Variants in LPIN1 observed in about 807,000 individuals in gnomAD.
LPIN1 encodes the protein phosphatidate phosphatase LPIN1.
A neutral mutation model predicts 107.5 loss-of-function variants in LPIN1; 71 were observed. The ratio of observed to expected loss-of-function variants is 0.66; its 90% confidence interval spans 0.55 to 0.80. LPIN1 has a LOEUF of 0.80. Among genes scored for constraint, LPIN1 ranks in the 30% least tolerant of loss-of-function variants. The pLI is 0.00. For synonymous variants in LPIN1, 445 were observed against 452.6 expected, an observed-to-expected ratio of 0.98 and a Z score of 0.21; for missense variants, 1,043 against 1,160.6, an observed-to-expected ratio of 0.90 and a Z score of 1.47.
intron 4 of LPIN1, among the ~76,000 whole-genome samples, chr2:11,772,960 C>T (rs1558869264): frequency 6.6e-6 from 1 of 152,166 alleles, no homozygotes; most frequent in Admixed American, 6.5e-5. Flanking sequence ...AGGCTTAGAA[C>T]CAGCGTCATT....
At chr2:11,793,512 A>G (rs1676144528) in intron 13 of LPIN1, among the ~76,000 whole-genome samples, 1 of 152,222 alleles carries the variant, frequency 6.6e-6, no homozygotes. Context: ...CACGGCCTAC[A>G]GTGCTTGTGT....
rs1673774291 is a variant in LPIN1, at chr2:11,782,630, T to A, written c.1264+123T>A. On this transcript the variant is annotated intron_variant, in intron 8 of 20. Transcript: ENST00000674199. ...AGAAACTGAACCGTGACAATGATCATGTTCAGTCTGAGCTCTTCAGCAGAA... is the reference window on the plus strand; with the variant it reads ...AGAAACTGAACCGTGACAATGATCAAGTTCAGTCTGAGCTCTTCAGCAGAA... The A allele has an allele frequency of 4.5e-6, 5 of 1,099,984 alleles. No homozygotes were observed. In the South Asian group the frequency reaches 6.9e-5, roughly 15 times the overall value. The allele number at this position is 1,099,984 out of a possible 1,614,324, so 68.1% of individuals were successfully genotyped here.
intron 10 of LPIN1, among the ~76,000 whole-genome samples, chr2:11,785,716 G>C (rs557902668): frequency 1.3e-3 from 193 of 152,220 alleles, no homozygotes; most frequent in Non-Finnish European, 2.1e-3. Flanking sequence ...AAGGGGCCGA[G>C]GCTGTGTACT....
At chr2:11,815,007 A>G in intron 17 of LPIN1, 81 bp from the exon 18 acceptor site, 1 of 1,333,266 alleles carries the variant, frequency 7.5e-7, no homozygotes, top group Non-Finnish European at 1.1e-6. Context: ...TCTCCACAGA[A>G]CAGATATGGA....
At chr2:11,716,933 A>G (rs1019113360) in intron 2 of LPIN1, among the ~76,000 whole-genome samples, 4 of 152,172 alleles carry the variant, frequency 2.6e-5, no homozygotes, top group Non-Finnish European at 4.4e-5. Flanking sequence ...GACATTTCTA[A>G]TAAGAACAAC....
At chr2:11,809,113 A>T (rs1384228373) in intron 17 of LPIN1, among the ~76,000 whole-genome samples, 3 of 151,260 alleles carry the variant, frequency 2.0e-5, no homozygotes, top group Non-Finnish European at 2.9e-5. Flanking sequence ...AGATACAGGA[A>T]CCCCTTTCAG....
At chr2:11,677,833 G>C in intron 1 of LPIN1, 1 of 1,020,196 alleles carries the variant, frequency 9.8e-7, no homozygotes. Flanking sequence ...TTTGCGCCCA[G>C]AGCGCCTTGT....
At position 11,774,983 on chromosome 2, in the gene LPIN1, A is replaced by G. The variant is rs1234952300; in HGVS notation, c.723-1103A>G. Among the ~76,000 whole-genome samples the G allele has an allele frequency of 2.6e-5, 4 of 151,748 alleles. No homozygotes were observed. The South Asian group carries it at 6.2e-4, about 24-fold the overall frequency. ...TAAAAAGTAAAAAAAAAAAAAAAAG[A>G]TGAAATTAATTTTAAAGCTATATTT... is the stretch of plus-strand genomic sequence containing the variant. On this transcript the variant is annotated intron_variant, in intron 5 of 20. Coordinates refer to ENST00000674199, the MANE Select transcript of LPIN1 (RefSeq NM_001349206.2). This position sits in a 1 kb window ranked among gnomAD's most constrained non-coding sequence, Gnocchi z 4.4.
At position 11,707,876 on chromosome 2, in the gene LPIN1, G is replaced by C. The variant is rs1028178646; in HGVS notation, c.82-5880G>C. ...CTCTTCTGATGTGTTTCAATGATGA[G>C]TGAGTGGTCTCCGCTAATTATGACT... On this transcript the variant is annotated intron_variant, in intron 1 of 21. Coordinates refer to the LPIN1 transcript ENST00000449576. This position sits in a 1 kb window ranked among gnomAD's most constrained non-coding sequence, Gnocchi z 4.2. Among the ~76,000 whole-genome samples the C allele has an allele frequency of 6.6e-5, 10 of 152,222 alleles. No individual in the cohort carries two copies. The highest frequency in any genetic ancestry group is 2.4e-4 in the African/African-American group (10 of 41,456).
upstream of LPIN1, among the ~76,000 whole-genome samples, chr2:11,720,912 T>G (rs1006048126): frequency 6.6e-6 from 1 of 151,908 alleles, no homozygotes; most frequent in Non-Finnish European, 1.5e-5. Flanking sequence ...GAGAAGAGAA[T>G]TCAGACTGAG....
chr2:11,735,521 A>ATAGCT (rs1165160847), intron 1 of LPIN1, among the ~76,000 whole-genome samples: 2 of 152,194 alleles, frequency 1.3e-5, no homozygotes, highest in East Asian at 3.9e-4. Context: ...CTTTCCTGTG[A>ATAGCT]TAGCTTAGCT....
intron 1 of LPIN1, among the ~76,000 whole-genome samples, chr2:11,690,539 A>G (rs1379061794): frequency 6.6e-6 from 1 of 152,162 alleles, no homozygotes; most frequent in African/African-American, 2.4e-5. Flanking sequence ...CTTTTCAACA[A>G]CTTCTTCTTT....
Position 11,773,756 on chromosome 2 carries a change from C to A in LPIN1, c.722+11C>A, listed in dbSNP as rs1396042641. ...GTCACCCACTCCCAGGTAAGCTGTT[C>A]CCTGTTCCCCTGGCCCAGTGCAGAG... On this transcript the variant is annotated intron_variant, in intron 5 of 20. Coordinates refer to ENST00000674199, the MANE Select transcript of LPIN1 (RefSeq NM_001349206.2). The A allele has an allele frequency of 1.2e-6, 2 of 1,613,824 alleles. No individual in the cohort carries two copies. The highest frequency in any genetic ancestry group is 2.7e-5 in the African/African-American group (2 of 74,908).
In LPIN1 at chr2:11,784,396, G is replaced by A. The variant is rs888643763; in HGVS notation, c.1358+474G>A. 24 of 1,118,792 alleles carry A rather than the reference G, an allele frequency of 2.1e-5. 1 individual carries two copies. The Admixed American group carries it at 2.8e-4, about 13-fold the overall frequency. The allele number at this position is 1,118,792 out of a possible 1,614,324, so 69.3% of individuals were successfully genotyped here. A position where few individuals can be genotyped will look rare whatever the true frequency, so the allele number is the denominator to read the frequency against. ...GCCTGCTCTATGGACATAAGGGTGC[G>A]GGTACTGGGCGGCGCCCCACCTCTG... On this transcript the variant is annotated intron_variant, in intron 9 of 20. Transcript: ENST00000674199.
chr2:11,700,368 A>C (rs186200785), intron 1 of LPIN1, among the ~76,000 whole-genome samples: 1 of 152,286 alleles, frequency 6.6e-6, no homozygotes, highest in Admixed American at 6.5e-5. Context: ...TGAGCTGTGT[A>C]TTAAGGCTGC....
upstream of LPIN1, among the ~76,000 whole-genome samples, chr2:11,721,310 CAG>C (rs1491284212): frequency 2.7e-5 from 2 of 74,384 alleles, no homozygotes; most frequent in African/African-American, 5.8e-5. Context: ...GTGTGTGTGT[CAG>C]GGGTGAGGAT....
At chr2:11,776,221 T>A in intron 6 of LPIN1, 28 bp downstream of exon 6, 1 of 1,397,228 alleles carries the variant, frequency 7.2e-7, no homozygotes, top group Non-Finnish European at 9.8e-7. Context: ...CCCATTGGGA[T>A]ATATTCAATA....
At chr2:11,708,035 C>T (rs77534915) in intron 1 of LPIN1, among the ~76,000 whole-genome samples, 6 of 152,034 alleles carry the variant, frequency 3.9e-5, no homozygotes, top group South Asian at 4.2e-4. Flanking sequence ...GATCCGCATC[C>T]GAGACCAGCT....
chr2:11,710,909 G>T (rs1196553640), intron 1 of LPIN1, among the ~76,000 whole-genome samples: 3 of 152,146 alleles, frequency 2.0e-5, no homozygotes, highest in Non-Finnish European at 2.9e-5. Flanking sequence ...AGCTGTGAAA[G>T]AAATTATTGT....
Sources: allele counts gnomAD v4.1 joint callset (sites outside exome capture counted in the v4.1 genomes callset), GRCh38; gene constraint gnomAD v4.1.1; non-coding constraint Gnocchi (gnomAD v3.1); transcripts MANE v1.5; gene names NCBI Gene and HGNC (gene_info 2026-07-23, HGNC 2026-07-21).